PAX7: variants seen among roughly 807,000 people sequenced by gnomAD.
PAX7 encodes the protein paired box protein Pax-7.
A neutral mutation model predicts 50.7 loss-of-function variants in PAX7; 18 were observed. The observed-to-expected ratio is 0.36, with a 90% CI of 0.25 to 0.53. The LOEUF is 0.53. PAX7 is among the 20% of genes least tolerant of loss of function. The pLI, the probability that PAX7 is intolerant of heterozygous loss-of-function variation, is 0.93. For missense variants in PAX7, 644 were observed against 702.9 expected (o/e 0.92, Z 0.95); for synonymous variants, 310 against 290.4 (o/e 1.07, Z -0.69).
intron 7 of PAX7, among the ~76,000 whole-genome samples, chr1:18,729,863 A>T (rs1046525263): frequency 6.6e-6 from 1 of 152,152 alleles, no homozygotes; most frequent in African/African-American, 2.4e-5. Flanking sequence ...TGGGGACAGA[A>T]CAGTTCTAAG....
rs140269716 is a variant in PAX7 at position 18,710,981 on chromosome 1, C to T, written c.1155+7685C>T. On this transcript the variant is annotated intron_variant, in intron 7 of 8. Transcript: ENST00000420770. ...TTAACCCCAGCTGCGCGCTCCTCTG[C>T]GCCCCGCCCAGCCCTTCCTTCTCCT... Among the ~76,000 whole-genome samples the T allele has an allele frequency of 3.2e-3, 482 of 152,350 alleles. 1 individual carries two copies. The highest frequency in any genetic ancestry group is 0.01 in the Middle Eastern group (3 of 294).
intron 4 of PAX7, among the ~76,000 whole-genome samples, chr1:18,685,628 T>A (rs1187368211): frequency 2.0e-5 from 3 of 152,164 alleles, no homozygotes; most frequent in Admixed American, 6.5e-5. Context: ...GAAGCTCATG[T>A]TCAAAGGCGT....
intron 7 of PAX7, among the ~76,000 whole-genome samples, chr1:18,721,566 T>G (rs567896293): frequency 6.6e-6 from 1 of 152,310 alleles, no homozygotes; most frequent in South Asian, 2.1e-4. Flanking sequence ...GTGGCAATAG[T>G]CCTGCTGCTG....
intron 8 of PAX7, among the ~76,000 whole-genome samples, chr1:18,743,879 C>T (rs1931283816): frequency 6.6e-6 from 1 of 152,242 alleles, no homozygotes; most frequent in African/African-American, 2.4e-5. Flanking sequence ...GCACACAACT[C>T]ACACACATAT....
intron 4 of PAX7, among the ~76,000 whole-genome samples, chr1:18,650,021 A>C (rs967032108): frequency 1.3e-5 from 2 of 152,098 alleles, no homozygotes; most frequent in Non-Finnish European, 2.9e-5. Flanking sequence ...TGTTTAGTGG[A>C]GGGGAAGCAG....
intron 4 of PAX7, among the ~76,000 whole-genome samples, chr1:18,642,480 G>C (rs996763987): frequency 2.0e-5 from 3 of 152,138 alleles, no homozygotes; most frequent in African/African-American, 7.2e-5. Flanking sequence ...CCATGACTAA[G>C]GGGGGAGGAC....
rs112257144 is a variant in PAX7 at position 18,690,357 on chromosome 1, C to T, written c.587-1397C>T. On this transcript the variant is annotated intron_variant, in intron 4 of 8. Transcript: ENST00000420770. ...AGTGTCTGCTCTCTTTTCCATCTTC[C>T]TTTCTGCTTCCTCTTCTCTATGCTT... Among the ~76,000 whole-genome samples the T allele has an allele frequency of 2.2e-3, 340 of 152,350 alleles. 3 individuals are homozygous for T. The highest frequency in any genetic ancestry group is 7.7e-3 in the African/African-American group (322 of 41,576).
At chr1:18,743,790 C>A (rs1037437526) in intron 8 of PAX7, among the ~76,000 whole-genome samples, 1 of 152,194 alleles carries the variant, frequency 6.6e-6, no homozygotes. Flanking sequence ...GAGGCAGGTA[C>A]CTGGCTGAGT....
chr1:18,660,364 T>A (rs919421888), intron 4 of PAX7, among the ~76,000 whole-genome samples: 1 of 152,058 alleles, frequency 6.6e-6, no homozygotes, highest in Non-Finnish European at 1.5e-5. Context: ...GCTCTTCTCT[T>A]CCCCTAGACA....
chr1:18,707,419 T>C (rs879825175), intron 7 of PAX7, among the ~76,000 whole-genome samples: 28 of 139,226 alleles, frequency 2.0e-4, no homozygotes, highest in Admixed American at 2.8e-4. Context: ...TTCTTTCTTT[T>C]TTTTTTTTTT....
intron 4 of PAX7, among the ~76,000 whole-genome samples, chr1:18,649,715 C>T (rs569763338): frequency 7.2e-5 from 11 of 152,266 alleles, no homozygotes; most frequent in African/African-American, 2.4e-4. Context: ...GTCCACCATC[C>T]GGGGAACTGT....
rs1020710432 is a variant in PAX7 at position 18,631,382 on chromosome 1, C to A, written c.-222C>A. ...CCTCGTCGTCGCCACCTTCCCTCCCCCCAACCTCCACCCCACCTCACCCCC... is the reference window on the plus strand; with the variant it reads ...CCTCGTCGTCGCCACCTTCCCTCCCACCAACCTCCACCCCACCTCACCCCC... On this transcript the variant is annotated 5_prime_UTR_variant, in exon 1 of 9. Coordinates refer to ENST00000420770, the MANE Select transcript of PAX7 (RefSeq NM_001135254.2). 1.1e-5 allele frequency: 6 copies of A among 553,622 alleles called. No homozygotes were observed. Among genetic ancestry groups the A allele is most frequent in the South Asian group, 2.4e-5 (1 of 42,358 alleles). 34.3% of individuals were successfully genotyped at this position (553,622 alleles called of 1,614,324 possible). A position where few individuals can be genotyped will look rare whatever the true frequency, so the allele number is the denominator to read the frequency against.
chr1:18,693,697 G>C (rs898212671), intron 5 of PAX7, among the ~76,000 whole-genome samples: 7 of 152,198 alleles, frequency 4.6e-5, no homozygotes, highest in African/African-American at 1.7e-4. Context: ...CCTCCTGACC[G>C]AGGTGATATC....
chr1:18,675,234 T>C (rs907982448), intron 4 of PAX7, among the ~76,000 whole-genome samples: 2 of 152,084 alleles, frequency 1.3e-5, no homozygotes, highest in Non-Finnish European at 2.9e-5. Flanking sequence ...TGTGGCTGCC[T>C]TACCTGACAC....
chr1:18,730,382 T>C (rs1283143091), intron 7 of PAX7, among the ~76,000 whole-genome samples: 1 of 151,636 alleles, frequency 6.6e-6, no homozygotes, highest in East Asian at 1.9e-4. Context: ...AGGGTCCCTC[T>C]CAGGCAGTGT....
At chr1:18,723,121 C>A (rs2236817) in intron 7 of PAX7, among the ~76,000 whole-genome samples, 16,018 of 152,200 alleles carry the variant, frequency 0.11, 1,063 homozygotes, top group East Asian at 0.28. Context: ...CCCTAGAATG[C>A]TTCCAGCTGC....
intron 8 of PAX7, among the ~76,000 whole-genome samples, chr1:18,744,429 AGGATGGATGGATGGATGGATGGATGGAT>A (rs375857866): frequency 1.7e-5 from 1 of 60,482 alleles, no homozygotes; most frequent in Non-Finnish European, 3.1e-5. Flanking sequence ...GATAGATGGA[AGGATGGATGGATGGATGGATGGATGGAT>A]GGATGGATGG....
chr1:18,662,446 T>A (rs1474269660), intron 4 of PAX7, among the ~76,000 whole-genome samples: 1 of 152,224 alleles, frequency 6.6e-6, no homozygotes, highest in Non-Finnish European at 1.5e-5. Flanking sequence ...ATTCATTCAC[T>A]CATTCTCTCA....
chr1:18,680,099 C>T (rs1348097838), intron 4 of PAX7, among the ~76,000 whole-genome samples: 1 of 152,082 alleles, frequency 6.6e-6, no homozygotes. Flanking sequence ...GAAATTGAGG[C>T]CCAGAGGGAT....
Sources: allele counts gnomAD v4.1 joint callset (sites outside exome capture counted in the v4.1 genomes callset), GRCh38; gene constraint gnomAD v4.1.1; transcripts MANE v1.5; gene names NCBI Gene and HGNC (gene_info 2026-07-23, HGNC 2026-07-21).